The following ATL1 variants were observed in gnomAD, a reference collection of about 807,000 sequenced individuals.
ATL1 encodes atlastin GTPase 1.
ATL1 carries 31 observed loss-of-function variants against 75.5 expected under a neutral mutation model. The ratio of observed to expected loss-of-function variants is 0.41; its 90% CI spans 0.31 to 0.55. The LOEUF is 0.55. Ranked by LOEUF, ATL1 falls within the 20% of genes least tolerant of loss-of-function variation. The pLI, the probability that ATL1 is intolerant of heterozygous loss-of-function variation, is 0.27. For missense variants in ATL1, 405 were observed against 662.6 expected (o/e 0.61, Z 4.27); for synonymous variants, 226 against 233.3 (o/e 0.97, Z 0.28).
At chr14:50,592,619 T>A (rs1258139193) in intron 4 of ATL1, among the ~76,000 whole-genome samples, 1 of 151,894 alleles carries the variant, frequency 6.6e-6, no homozygotes, top group Admixed American at 6.6e-5. Flanking sequence ...CAAATAAAAA[T>A]TATATATATT....
chr14:50,629,833 T>C (rs1225318806), intron 12 of ATL1, among the ~76,000 whole-genome samples, 162 bp from the exon 13 acceptor site: 1 of 152,110 alleles, frequency 6.6e-6, no homozygotes, highest in Admixed American at 6.6e-5. Flanking sequence ...ATTGAGTTCT[T>C]CAAAGATTCT....
Position 50,628,094 on chromosome 14 carries a change from A to C in ATL1, c.1183A>C (p.Lys395Gln). 1 of 1,614,206 alleles carries C rather than the reference A, an allele frequency of 6.2e-7. No homozygotes were observed. Among genetic ancestry groups the C allele is most frequent in the Non-Finnish European group, 8.5e-7 (1 of 1,180,030 alleles). ...CTTGCAGACCAAACACCTGCAACTT[A>C]AGGAAGAATCTGTGAAGCTATTCCG... ...NDLQTKHLQL[K>Q]EESVKLFRGV... Residue 395 changes from lysine to glutamine, a missense_variant, in exon 12 of 14, where the codon AAG becomes CAG. Physicochemically the swap from Lys to Gln is moderately conservative, Grantham distance 53. Around this residue, in one of 5 missense-constraint regions of ATL1, gnomAD observed 163 missense variants for 244.1 expected, o/e 0.67. Transcript: ENST00000358385.
chr14:50,549,278 A>G (rs73289877), intron 1 of ATL1, among the ~76,000 whole-genome samples: 6,750 of 152,262 alleles, frequency 0.044, 474 homozygotes, highest in African/African-American at 0.15. Flanking sequence ...CCATATAACC[A>G]TATAGGTACA....
rs181992138 is a variant in ATL1 at position 50,594,284 on chromosome 14, G to T, written c.573+388G>T. 5.9e-5 allele frequency among the ~76,000 whole-genome samples: 9 copies of T among 152,258 alleles called. No homozygotes were observed. The East Asian group carries it at 1.5e-3, about 26-fold the overall frequency. On this transcript the variant is annotated intron_variant, in intron 5 of 13. Coordinates refer to ENST00000358385, the MANE Select transcript of ATL1 (RefSeq NM_015915.5). Reference sequence around the variant, plus strand: ...GAACAGCGAGAACAGAGAACAGCGTGGGGGAAACAGCCTCCATGATTCAAT... The same window carrying T: ...GAACAGCGAGAACAGAGAACAGCGTTGGGGAAACAGCCTCCATGATTCAAT...
chr14:50,560,818 A>T (rs1036533053), intron 1 of ATL1, among the ~76,000 whole-genome samples: 2 of 152,064 alleles, frequency 1.3e-5, no homozygotes, highest in Admixed American at 1.3e-4. Context: ...AATGAGGCGG[A>T]GCGCGCCGGG....
upstream of ATL1, chr14:50,560,142 C>A: frequency 8.6e-7 from 1 of 1,167,640 alleles, no homozygotes; most frequent in East Asian, 2.5e-5. Context: ...CAGCAACATC[C>A]TCAGAGTCTG....
intron 2 of ATL1, among the ~76,000 whole-genome samples, chr14:50,588,812 A>G (rs981370019): frequency 4.6e-5 from 7 of 152,194 alleles, no homozygotes; most frequent in African/African-American, 9.7e-5. Flanking sequence ...GAATATCTCA[A>G]TGTAGATCAT....
intron 1 of ATL1, among the ~76,000 whole-genome samples, chr14:50,541,941 A>T (rs1352751060): frequency 7.4e-6 from 1 of 135,112 alleles, no homozygotes; most frequent in Admixed American, 8.4e-5. Context: ...CAGGAGGCAG[A>T]GCTTGTAGTG....
chr14:50,613,390 A>G, intron 7 of ATL1, 39 bp downstream of exon 7: 1 of 1,458,232 alleles, frequency 6.9e-7, no homozygotes, highest in South Asian at 1.1e-5. Context: ...TTCACTAATA[A>G]TCTGGAATTA....
intron 5 of ATL1, 106 bp downstream of exon 5, chr14:50,594,002 T>C: frequency 1.1e-6 from 1 of 885,432 alleles, no homozygotes; most frequent in East Asian, 2.6e-5. Context: ...GATTCTGCTG[T>C]TTAAACAGGA....
intron 4 of ATL1, among the ~76,000 whole-genome samples, chr14:50,593,565 T>C (rs545578394): frequency 6.6e-6 from 1 of 152,350 alleles, no homozygotes; most frequent in Non-Finnish European, 1.5e-5. Context: ...TGAGTTTTTT[T>C]GACTAATTGC....
intron 2 of ATL1, among the ~76,000 whole-genome samples, chr14:50,589,136 T>C (rs1272614954): frequency 1.3e-5 from 2 of 151,052 alleles, no homozygotes; most frequent in Admixed American, 6.6e-5. Context: ...GACAGATATA[T>C]TTTTTCTTTT....
intron 11 of ATL1, among the ~76,000 whole-genome samples, chr14:50,626,615 T>C (rs2039522824): frequency 6.6e-6 from 1 of 152,220 alleles, no homozygotes; most frequent in African/African-American, 2.4e-5. Flanking sequence ...ACAAAGGGTT[T>C]AGAATATTTT....
rs3015459 is a variant in ATL1 at position 50,581,902 on chromosome 14, T to G, written c.35-5929T>G. 8.2e-3 allele frequency among the ~76,000 whole-genome samples: 1,252 copies of G among 152,316 alleles called. 24 individuals are homozygous for G. The highest frequency in any genetic ancestry group is 0.028 in the African/African-American group (1,167 of 41,580). On this transcript the variant is annotated intron_variant, in intron 1 of 13. Transcript: ENST00000358385. The stretch of plus-strand genomic sequence containing the variant: ...TTTAAGGCAGTGAAAAGAAAATTCC[T>G]AGAAAGATAGAATGAACTAGAAGTA...
At chr14:50,632,072 A>G in intron 13 of ATL1, 157 bp from the exon 14 acceptor site, 1 of 532,036 alleles carries the variant, frequency 1.9e-6, no homozygotes, top group East Asian at 3.3e-5. Context: ...GGAGTTGAAA[A>G]TACTTTTGAA....
At chr14:50,614,232 T>A (rs534627563) in intron 7 of ATL1, 141 bp from the exon 8 acceptor site, 2 of 935,442 alleles carry the variant, frequency 2.1e-6, no homozygotes, top group Admixed American at 4.2e-5. Flanking sequence ...CCCAAGACTT[T>A]CTTCTTTCTT....
rs752590642 is a variant in ATL1, at chr14:50,628,035, G to T, written c.1124G>T (p.Cys375Phe). The T allele has an allele frequency of 6.2e-7, 1 of 1,614,126 alleles. No individual in the cohort carries two copies. Residue 375 changes from cysteine to phenylalanine, a missense_variant, in exon 12 of 14, where the codon TGT (cysteine) becomes TTT (phenylalanine). Around this residue, in one of 5 missense-constraint regions of ATL1, gnomAD observed 163 missense variants for 244.1 expected, o/e 0.67. Coordinates refer to ENST00000358385, the MANE Select transcript of ATL1 (RefSeq NM_015915.5). Reference sequence around the variant, plus strand: ...ATACTTCTCTATCTGATACAGATTTGTGGTGGTGACAAACCATTTCTGGCC... The same window carrying T: ...ATACTTCTCTATCTGATACAGATTTTTGGTGGTGACAAACCATTTCTGGCC... ...DTYNKKMEEI[C>F]GGDKPFLAPN...
intron 1 of ATL1, among the ~76,000 whole-genome samples, chr14:50,577,255 G>C (rs569109796): frequency 1.5e-3 from 234 of 152,082 alleles, no homozygotes; most frequent in Middle Eastern, 6.8e-3. Flanking sequence ...GTAGAGACAG[G>C]GTTTCACCGT....
intron 1 of ATL1, among the ~76,000 whole-genome samples, chr14:50,564,153 A>G (rs78516324): frequency 0.015 from 2,268 of 152,334 alleles, 48 homozygotes; most frequent in African/African-American, 0.051. Context: ...TAAAGGGGAC[A>G]GATAAGTATC....
Sources: allele counts gnomAD v4.1 joint callset (sites outside exome capture counted in the v4.1 genomes callset), GRCh38; gene constraint gnomAD v4.1.1; regional missense constraint gnomAD v4.1.1; transcripts MANE v1.5; gene names NCBI Gene and HGNC (gene_info 2026-07-23, HGNC 2026-07-21).